ADAM9: variants seen among roughly 807,000 people sequenced by gnomAD.
The protein encoded by ADAM9 is disintegrin and metalloproteinase domain-containing protein 9.
ADAM9 carries 54 observed loss-of-function variants against 108.1 expected under a neutral mutation model. The ratio of observed to expected loss-of-function variants is 0.50; its 90% CI spans 0.40 to 0.63. The LOEUF (loss-of-function observed/expected upper bound fraction) is 0.63, where lower values mean the gene tolerates loss of function less well. Ranked by LOEUF, ADAM9 falls within the 20% of genes least tolerant of loss-of-function variation. The pLI, the probability that ADAM9 is intolerant of heterozygous loss-of-function variation, is 0.00. For missense variants in ADAM9, 830 were observed against 997.7 expected (o/e 0.83, Z 2.26); for synonymous variants, 316 against 336.0 (o/e 0.94, Z 0.65).
At chr8:39,016,575 A>G (rs1705601446) in intron 5 of ADAM9, among the ~76,000 whole-genome samples, 1 of 152,244 alleles carries the variant, frequency 6.6e-6, no homozygotes, top group Non-Finnish European at 1.5e-5. Context: ...TTAGGTGAGC[A>G]AACTGAAGTT....
intron 14 of ADAM9, among the ~76,000 whole-genome samples, chr8:39,056,180 T>G (rs1334553212): frequency 1.3e-5 from 2 of 152,128 alleles, no homozygotes; most frequent in Non-Finnish European, 2.9e-5. Flanking sequence ...ATTCTCTTAC[T>G]GATAGATATT....
Position 39,016,122 on chromosome 8 carries a change from A to G in ADAM9, c.338A>G (p.His113Arg), listed in dbSNP as rs1301198724. ...AATACAGTATTTTTCATTTAGAATC[A>G]TTGTCATTATCGGGGCTATGTGGAG... ...LITDHPNIQN[H>R]CHYRGYVEGV... Residue 113 changes from histidine to arginine, a missense_variant, in exon 5 of 22, where the codon CAT becomes CGT. Around this residue, in one of 3 missense-constraint regions of ADAM9, gnomAD observed 211 missense variants for 222.2 expected, o/e 0.95. Transcript: ENST00000487273. 1.1e-5 allele frequency: 18 copies of G among 1,613,334 alleles called. No homozygotes were observed. The highest frequency in any genetic ancestry group is 1.5e-5 in the Non-Finnish European group (18 of 1,179,348).
intron 16 of ADAM9, among the ~76,000 whole-genome samples, chr8:39,078,413 C>T (rs1188283221): frequency 2.0e-5 from 3 of 150,240 alleles, no homozygotes; most frequent in Non-Finnish European, 4.4e-5. Context: ...AAACAACTCT[C>T]TGACATGCTC....
In ADAM9 at chr8:39,071,247, G is replaced by A. The variant is rs746189050; in HGVS notation, c.1592-51G>A. The A allele has an allele frequency of 3.9e-6, 6 of 1,557,778 alleles. No individual in the cohort carries two copies. In the East Asian group the frequency reaches 1.2e-4, roughly 30 times the overall value. On this transcript the variant is annotated intron_variant, in intron 14 of 21. Coordinates refer to ENST00000487273, the MANE Select transcript of ADAM9 (RefSeq NM_003816.3). ...TGTAGGGAATACTTTTATTTCAAAAGCTAAATTGCCATAACTTTTTTTTTC... is the reference window on the plus strand; with the variant it reads ...TGTAGGGAATACTTTTATTTCAAAAACTAAATTGCCATAACTTTTTTTTTC...
In ADAM9 at chr8:39,025,870, G is replaced by A. The variant is rs769109947; in HGVS notation, c.982G>A (p.Gly328Ser). 1.1e-5 allele frequency: 18 copies of A among 1,614,136 alleles called. No homozygotes were observed. Among genetic ancestry groups the A allele is most frequent in the Non-Finnish European group, 1.4e-5 (17 of 1,180,016 alleles). Reference protein sequence around the residue: ...VGTVCSRSHAGGINVFGQITV... With the variant: ...VGTVCSRSHASGINVFGQITV... ...AACAGTGTGTTCAAGGAGCCACGCA[G>A]GCGGGATTAATGTGGTACGTTGTTC... The change falls in exon 10 of 22, where the codon GGC (glycine) becomes AGC (serine). Residue 328 changes from glycine to serine, a missense_variant. By Grantham distance (56) the Gly-to-Ser change is moderately conservative (BLOSUM62 0). Around this residue, in one of 3 missense-constraint regions of ADAM9, gnomAD observed 381 missense variants for 539.8 expected, o/e 0.71. Transcript: ENST00000487273.
intron 16 of ADAM9, among the ~76,000 whole-genome samples, chr8:39,079,594 ATTTTTT>A (rs397786496): frequency 7.0e-6 from 1 of 142,200 alleles, no homozygotes; most frequent in Non-Finnish European, 1.5e-5. Flanking sequence ...AATATCATGA[ATTTTTT>A]TTTTTTTTTT....
At chr8:39,025,419 C>T (rs140356274) in intron 9 of ADAM9, among the ~76,000 whole-genome samples, 130 of 152,260 alleles carry the variant, frequency 8.5e-4, no homozygotes, top group African/African-American at 3.0e-3. Flanking sequence ...TCATGTTCAC[C>T]CTGCTCACTG....
rs775801097 is a variant in ADAM9 at position 39,101,870 on chromosome 8, A to G, written c.2306A>G (p.Tyr769Cys). 17 of 1,612,384 alleles carry G rather than the reference A, an allele frequency of 1.1e-5. No individual in the cohort carries two copies. Among genetic ancestry groups the G allele is most frequent in the South Asian group, 9.9e-5 (9 of 90,996 alleles). ...PVTPPREVPI[Y>C]ANRFAVPTYA... Reference sequence around the variant, plus strand: ...TTTTTTTTTTCTTTTTAGCCTATATATGCAAACAGATTTGCAGTACCAACC... The same window carrying G: ...TTTTTTTTTTCTTTTTAGCCTATATGTGCAAACAGATTTGCAGTACCAACC... Residue 769 changes from tyrosine (Y) to cysteine (C), a missense_variant, in exon 21 of 22, where the codon TAT becomes TGT. Physicochemically the swap from Tyr to Cys is radical, Grantham distance 194. Transcript: ENST00000487273.
At chr8:39,032,097 A>C (rs896304770) in intron 11 of ADAM9, among the ~76,000 whole-genome samples, 1 of 152,212 alleles carries the variant, frequency 6.6e-6, no homozygotes, top group African/African-American at 2.4e-5. Context: ...CCTACTGGGA[A>C]GTGTCTCCCA....
At chr8:39,002,278 T>A (rs1588317245) in intron 1 of ADAM9, among the ~76,000 whole-genome samples, 1 of 151,244 alleles carries the variant, frequency 6.6e-6, no homozygotes, top group Admixed American at 6.6e-5. Flanking sequence ...TGGTTTGGAG[T>A]TCACATTTGT....
chr8:39,100,864 A>G (rs1839672795), intron 20 of ADAM9, among the ~76,000 whole-genome samples: 2 of 152,354 alleles, frequency 1.3e-5, no homozygotes, highest in East Asian at 1.9e-4. Flanking sequence ...CTAACGTCTT[A>G]TAGTGTAATG....
intron 16 of ADAM9, among the ~76,000 whole-genome samples, chr8:39,078,645 G>A (rs747674795): frequency 6.6e-5 from 10 of 152,124 alleles, no homozygotes; most frequent in Non-Finnish European, 1.3e-4. Context: ...AGCCAGTGTG[G>A]TGGTGCATGC....
At chr8:39,030,832 T>C (rs1470682438) in intron 11 of ADAM9, among the ~76,000 whole-genome samples, 1 of 152,234 alleles carries the variant, frequency 6.6e-6, no homozygotes, top group Non-Finnish European at 1.5e-5. Context: ...CAATTTACAT[T>C]TCCCTGATGA....
chr8:39,051,975 G>A (rs531287001), intron 12 of ADAM9, among the ~76,000 whole-genome samples: 9 of 151,938 alleles, frequency 5.9e-5, no homozygotes, highest in South Asian at 2.1e-4. Flanking sequence ...TACACACGTC[G>A]TGTATATATA....
chr8:39,034,380 C>T (rs545442893), intron 11 of ADAM9, among the ~76,000 whole-genome samples: 1 of 152,274 alleles, frequency 6.6e-6, no homozygotes, highest in African/African-American at 2.4e-5. Context: ...TAACTCCATT[C>T]ATCACTTTCT....
intron 16 of ADAM9, among the ~76,000 whole-genome samples, chr8:39,080,233 A>G (rs771960110): frequency 6.6e-6 from 1 of 152,084 alleles, no homozygotes; most frequent in Non-Finnish European, 1.5e-5. Context: ...TAAAAATAGT[A>G]TCTACTGATT....
At chr8:39,051,268 C>G (rs1837949586) in intron 12 of ADAM9, among the ~76,000 whole-genome samples, 1 of 152,110 alleles carries the variant, frequency 6.6e-6, no homozygotes, top group African/African-American at 2.4e-5. Context: ...AGAGCTGTTT[C>G]CTCCTGATCT....
intron 14 of ADAM9, among the ~76,000 whole-genome samples, chr8:39,061,796 TCACCTCTTAAAGGTCC>T (rs1838308001): frequency 6.6e-6 from 1 of 152,214 alleles, no homozygotes; most frequent in African/African-American, 2.4e-5. Context: ...CATGGACTAA[TCACCTCTTAAAGGTCC>T]CACCTCTTAA....
intron 12 of ADAM9, among the ~76,000 whole-genome samples, chr8:39,047,613 T>G (rs1837815039): frequency 6.6e-6 from 1 of 152,162 alleles, no homozygotes; most frequent in African/African-American, 2.4e-5. Flanking sequence ...TTATAATTCT[T>G]TTTATTTATG....
Sources: gnomAD v4.1 joint callset for allele counts (sites outside exome capture counted in the v4.1 genomes callset) on GRCh38, gnomAD v4.1.1 for gene constraint, gnomAD v4.1.1 regional missense constraint, MANE v1.5 for transcripts, NCBI Gene and HGNC (gene_info 2026-07-23, HGNC 2026-07-21) for gene names.